KLC1: variants seen among roughly 807,000 people sequenced by gnomAD.
KLC1 encodes the protein kinesin 2 60/70kDa.
KLC1 carries 30 observed loss-of-function variants against 84.2 expected under a neutral mutation model. The ratio of observed to expected loss-of-function variants is 0.36; its 90% CI spans 0.27 to 0.48. KLC1 has a LOEUF of 0.48. KLC1 is among the 20% of genes least tolerant of loss of function. The pLI is 0.99. For synonymous variants in KLC1, 289 were observed against 293.3 expected (o/e 0.99, Z 0.15); for missense variants, 499 against 805.4 (o/e 0.62, Z 4.60).
chr14:103,663,136 G>A (rs1368708198), intron 5 of KLC1, among the ~76,000 whole-genome samples: 10 of 150,476 alleles, frequency 6.6e-5, no homozygotes, highest in Non-Finnish European at 5.9e-5. Context: ...CTGGAGTGCC[G>A]GGGTGTGATC....
At chr14:103,679,665 G>A (rs767838637) in intron 13 of KLC1, 120 bp downstream of exon 13, 33 of 697,796 alleles carry the variant, frequency 4.7e-5, no homozygotes, top group Non-Finnish European at 7.9e-5. Context: ...TGCCAATTAA[G>A]CTTTCTGTAA....
At chr14:103,679,211 T>G in intron 12 of KLC1, 173 bp from the exon 13 acceptor site, 1 of 771,900 alleles carries the variant, frequency 1.3e-6, no homozygotes, top group South Asian at 1.8e-5. Context: ...CCTTTGTGTT[T>G]CCAGTTCCCC....
chr14:103,662,466 G>T (rs2079376467), intron 4 of KLC1, among the ~76,000 whole-genome samples: 1 of 152,024 alleles, frequency 6.6e-6, no homozygotes, highest in Non-Finnish European at 1.5e-5. Context: ...TACTTATCCT[G>T]CTTGTTTCAT....
intron 1 of KLC1, among the ~76,000 whole-genome samples, chr14:103,630,207 T>C (rs531689807): frequency 6.6e-6 from 1 of 152,354 alleles, no homozygotes; most frequent in South Asian, 2.1e-4. Flanking sequence ...GCTTTTTCCA[T>C]GTAAAATTGG....
At chr14:103,660,085 T>A (rs1260783033) in intron 3 of KLC1, among the ~76,000 whole-genome samples, 6 of 152,072 alleles carry the variant, frequency 3.9e-5, no homozygotes, top group Non-Finnish European at 7.4e-5. Flanking sequence ...AACATAGGAA[T>A]TTGGGGAGAA....
chr14:103,646,872 A>C (rs181978455), intron 1 of KLC1, among the ~76,000 whole-genome samples: 4 of 152,194 alleles, frequency 2.6e-5, no homozygotes, highest in Non-Finnish European at 5.9e-5. Context: ...TCATCCTCCC[A>C]AAGTGCTGGG....
chr14:103,677,507 T>C lies in KLC1; in HGVS notation c.1472T>C (p.Met491Thr), dbSNP rs752521412. Reference protein sequence around the residue: ...EAAETLEEAAMRSRKQGLDNV... With the variant: ...EAAETLEEAATRSRKQGLDNV... The stretch of plus-strand genomic sequence containing the variant: ...GCAGAAACGTTAGAAGAAGCTGCTA[T>C]GAGGTCTCGTAAACAGGTTAGTCAT... The change falls in exon 12 of 17, where the codon ATG becomes ACG. Residue 491 changes from methionine to threonine, a missense_variant. By Grantham distance (81) the Met-to-Thr change is moderately conservative. Around this residue, in one of 3 missense-constraint regions of KLC1, gnomAD observed 167 missense variants for 208.8 expected, o/e 0.80. Transcript: ENST00000334553. The C allele has an allele frequency of 6.2e-7, 1 of 1,613,022 alleles. No individual in the cohort carries two copies. The highest frequency in any genetic ancestry group is 8.5e-7 in the Non-Finnish European group (1 of 1,179,016).
At chr14:103,674,345 T>A (rs994395137) in intron 9 of KLC1, among the ~76,000 whole-genome samples, 1 of 152,154 alleles carries the variant, frequency 6.6e-6, no homozygotes, top group African/African-American at 2.4e-5. Context: ...CATGGGTCTG[T>A]TGGTTGTCTA....
chr14:103,695,144 GA>G (rs2082348996), intron 15 of KLC1: 6 of 960,220 alleles, frequency 6.2e-6, no homozygotes, highest in South Asian at 9.8e-5. Context: ...GGGATTAAAA[GA>G]AAAAATGTTA....
chr14:103,658,462 A>G (rs1295737095), intron 3 of KLC1, among the ~76,000 whole-genome samples: 1 of 105,212 alleles, frequency 9.5e-6, no homozygotes, highest in East Asian at 3.1e-4. Context: ...TTTAGTAGAG[A>G]TGAGGTTTCA....
At chr14:103,652,741 T>A (rs1027215703) in intron 1 of KLC1, among the ~76,000 whole-genome samples, 3 of 152,216 alleles carry the variant, frequency 2.0e-5, no homozygotes, top group African/African-American at 7.2e-5. Flanking sequence ...TCTGCCCGCC[T>A]TCGCCTCCCA....
intron 1 of KLC1, among the ~76,000 whole-genome samples, chr14:103,645,098 C>G (rs1369010753): frequency 3.9e-5 from 6 of 152,260 alleles, no homozygotes; most frequent in African/African-American, 1.4e-4. Flanking sequence ...CTCAGCCTCT[C>G]AAGTAACTGG....
chr14:103,657,881 G>C (rs1201020024), intron 3 of KLC1, 105 bp downstream of exon 3: 1 of 787,680 alleles, frequency 1.3e-6, no homozygotes, highest in African/African-American at 1.7e-5. Flanking sequence ...GAACATATTA[G>C]AACATTAGAA....
chr14:103,632,877 CA>C (rs1458582251), intron 1 of KLC1, among the ~76,000 whole-genome samples: 3 of 151,758 alleles, frequency 2.0e-5, no homozygotes, highest in Admixed American at 2.0e-4. Flanking sequence ...GTCAGGGGGT[CA>C]GGGGTGGGAT....
At chr14:103,682,907 T>G (rs2081487465) in intron 13 of KLC1, 1 of 151,920 alleles carries the variant, frequency 6.6e-6, no homozygotes, top group Admixed American at 6.6e-5. Context: ...TAGAAGGCAT[T>G]TTAATGCTTT....
chr14:103,692,376 C>A lies in KLC1; in HGVS notation c.1799C>A (p.Ser600Tyr). 1 of 1,536,688 alleles carries A rather than the reference C, an allele frequency of 6.5e-7. No homozygotes were observed. Among genetic ancestry groups the A allele is most frequent in the Non-Finnish European group, 8.7e-7 (1 of 1,147,034 alleles). The change falls in exon 15 of 17, where the codon TCT (serine) becomes TAT (tyrosine). Residue 600 changes from serine (S) to tyrosine (Y), a missense_variant. Coordinates refer to ENST00000334553, the MANE Select transcript of KLC1 (RefSeq NM_001394837.1). The stretch of plus-strand genomic sequence containing the variant: ...GGTTGCAGCATGAAGCGTGCCAGCT[C>A]TCTGAATGTCCTTAACGTGGGTGGC... Reference protein sequence around the residue: ...PKNPGMKRASSLNVLNVGGKA... With the variant: ...PKNPGMKRASYLNVLNVGGKA...
rs369658102 is a variant in KLC1, at chr14:103,666,306, A to G, written c.798-3205A>G. Among the ~76,000 whole-genome samples the G allele has an allele frequency of 1.3e-3, 198 of 150,296 alleles. 1 individual carries two copies. The highest frequency in any genetic ancestry group is 4.1e-3 in the African/African-American group (166 of 40,852). The stretch of plus-strand genomic sequence containing the variant: ...TCTTGATCTCCTGACCTTGTGATCC[A>G]CCCGCCTTGGCCTCCCAAAGTGCTG... On this transcript the variant is annotated intron_variant, in intron 5 of 16. Transcript: ENST00000334553.
intron 1 of KLC1, among the ~76,000 whole-genome samples, chr14:103,653,704 T>G (rs913579680): frequency 6.6e-6 from 1 of 152,236 alleles, no homozygotes; most frequent in African/African-American, 2.4e-5. Context: ...GTGGCAGTGC[T>G]GTGAAGGAAA....
intron 15 of KLC1, chr14:103,699,960 G>A (rs1402169339): frequency 1.5e-5 from 5 of 330,432 alleles, no homozygotes; most frequent in Non-Finnish European, 2.4e-5. Context: ...GCAGCAACCA[G>A]CCCCCTCCTT....
Sources: gnomAD v4.1 joint callset for allele counts (sites outside exome capture counted in the v4.1 genomes callset) on GRCh38, gnomAD v4.1.1 for gene constraint, gnomAD v4.1.1 regional missense constraint, MANE v1.5 for transcripts, NCBI Gene and HGNC (gene_info 2026-07-23, HGNC 2026-07-21) for gene names.